Variants in TMOD2 observed in about 807,000 individuals in gnomAD.
The protein encoded by TMOD2 is tropomodulin 2.
A neutral mutation model predicts 39.9 loss-of-function variants in TMOD2; 22 were observed. The observed-to-expected ratio is 0.55, with a 90% confidence interval of 0.39 to 0.79. The LOEUF (loss-of-function observed/expected upper bound fraction) is 0.79. Ranked by LOEUF, TMOD2 falls within the 30% of genes least tolerant of loss-of-function variation. The probability of loss-of-function intolerance (pLI) is 0.00; values close to 1 mark genes in which losing one functional copy is unlikely to be tolerated. For missense variants in TMOD2, 386 were observed against 413.3 expected (o/e 0.93, Z 0.57); for synonymous variants, 123 against 146.1 (o/e 0.84, Z 1.14).
At chr15:51,770,538 C>T (rs1484528367) in intron 3 of TMOD2, among the ~76,000 whole-genome samples, 1 of 152,156 alleles carries the variant, frequency 6.6e-6, no homozygotes, top group Admixed American at 6.5e-5. Context: ...CATCCAGCTC[C>T]TAGTTGGCAT....
rs1367615201 is a variant in TMOD2 at position 51,813,247 on chromosome 15, G to GTCCC, written c.*4794_*4795insCCCT. 6.6e-6 allele frequency: 1 copy of GTCCC among 152,214 alleles called. No individual in the cohort carries two copies. The highest frequency in any genetic ancestry group is 3.2e-3 in the Middle Eastern group (1 of 316). The allele number at this position is 152,214 out of a possible 1,614,324, so 9.4% of individuals were successfully genotyped here. A position where few individuals can be genotyped will look rare whatever the true frequency, so the allele number is the denominator to read the frequency against. ...CAGCTTATCTCTTTCCCATCTGTCT[G>GTCCC]TAATAGCAATGACTGAATAATCAGT... On this transcript the variant is annotated 3_prime_UTR_variant, in exon 10 of 10. Transcript: ENST00000249700.
intron 1 of TMOD2, among the ~76,000 whole-genome samples, chr15:51,753,088 C>T (rs1025650515): frequency 6.6e-6 from 1 of 151,980 alleles, no homozygotes; most frequent in Non-Finnish European, 1.5e-5. Flanking sequence ...AATGTGTATA[C>T]ACAGAAAAGA....
chr15:51,773,672 C>CA (rs3830419), intron 3 of TMOD2, 40 bp from the exon 4 acceptor site: 17,844 of 1,571,342 alleles, frequency 0.011, 656 homozygotes, highest in Admixed American at 0.1. Context: ...ACCAATAAGG[C>CA]AGTAGTACTC....
intron 7 of TMOD2, chr15:51,784,025 C>T (rs7342575): frequency 0.034 from 5,124 of 152,286 alleles, 142 homozygotes; most frequent in Non-Finnish European, 0.051. Context: ...ATCCATTTGT[C>T]ACTGTAATAC....
At chr15:51,780,971 A>AT in intron 5 of TMOD2, 73 bp from the exon 6 acceptor site, 4 of 1,302,414 alleles carry the variant, frequency 3.1e-6, no homozygotes, top group Middle Eastern at 1.9e-4. Flanking sequence ...AAGAAATGTC[A>AT]TTTTTTGGGA....
intron 1 of TMOD2, chr15:51,752,913 T>C (rs553143408): frequency 1.3e-5 from 2 of 152,304 alleles, no homozygotes; most frequent in East Asian, 3.9e-4. Context: ...GTACTGTACA[T>C]TGGTGGGCAA....
chr15:51,782,704 T>C lies in TMOD2; in HGVS notation c.625-17T>C, dbSNP rs1048665778. On this transcript the variant is annotated splice_polypyrimidine_tract_variant and intron_variant, in intron 6 of 9. Coordinates refer to ENST00000249700, the MANE Select transcript of TMOD2 (RefSeq NM_014548.4). The stretch of plus-strand genomic sequence containing the variant: ...CATACAATGGTTCATCAACTAGCCA[T>C]GTCCTCTCTGTCTTAGAACATTCCA... 2.5e-6 allele frequency: 4 copies of C among 1,602,246 alleles called. No individual in the cohort carries two copies. The highest frequency in any genetic ancestry group is 2.2e-5 in the South Asian group (2 of 90,590).
rs539212798 is a variant in TMOD2 at position 51,770,487 on chromosome 15, T to C, written c.283+2069T>C. Among the ~76,000 whole-genome samples the C allele has an allele frequency of 3.3e-5, 5 of 152,298 alleles. No individual in the cohort carries two copies. The East Asian group carries it at 9.7e-4, about 29-fold the overall frequency. ...CTTGATAAACATGGGTTCCAGTGAATGGCATCTCAGAAATCTGTACTGCAG... is the reference window on the plus strand; with the variant it reads ...CTTGATAAACATGGGTTCCAGTGAACGGCATCTCAGAAATCTGTACTGCAG... On this transcript the variant is annotated intron_variant, in intron 3 of 9. Transcript: ENST00000249700.
rs140597344 is a variant in TMOD2 at position 51,790,233 on chromosome 15, C to T, written c.732+7405C>T. Among the ~76,000 whole-genome samples the T allele has an allele frequency of 9.4e-3, 1,424 of 152,254 alleles. 15 individuals carry two copies. Among genetic ancestry groups the T allele is most frequent in the African/African-American group, 0.019 (776 of 41,548 alleles). Reference sequence around the variant, plus strand: ...TCAGAGAATATTATAAACACCTCTACGCAAATTAACTAGAAAATCTAGACA... The same window carrying T: ...TCAGAGAATATTATAAACACCTCTATGCAAATTAACTAGAAAATCTAGACA... On this transcript the variant is annotated intron_variant, in intron 7 of 9. Transcript: ENST00000249700.
intron 1 of TMOD2, among the ~76,000 whole-genome samples, chr15:51,763,635 C>T (rs185665637): frequency 1.3e-5 from 2 of 152,212 alleles, no homozygotes; most frequent in Admixed American, 6.5e-5. Flanking sequence ...GCTAAACATA[C>T]CTGCATTGTC....
chr15:51,754,996 C>G (rs2055732439), intron 1 of TMOD2, among the ~76,000 whole-genome samples: 2 of 152,170 alleles, frequency 1.3e-5, no homozygotes, highest in Admixed American at 1.3e-4. Context: ...CTTCACATTA[C>G]TTACAGATTA....
chr15:51,765,929 A>G (rs1046543779), intron 1 of TMOD2, among the ~76,000 whole-genome samples: 2 of 152,238 alleles, frequency 1.3e-5, no homozygotes, highest in Non-Finnish European at 2.9e-5. Flanking sequence ...CTGAAAAGAC[A>G]CAAGTATGCT....
At chr15:51,764,086 A>T (rs748289292) in intron 1 of TMOD2, among the ~76,000 whole-genome samples, 101 of 36,114 alleles carry the variant, frequency 2.8e-3, no homozygotes, top group Non-Finnish European at 4.6e-3. Context: ...TTAAAGATTT[A>T]AAAAAAAAAA....
At chr15:51,799,368 A>G (rs573011819) in intron 8 of TMOD2, among the ~76,000 whole-genome samples, 27 of 152,296 alleles carry the variant, frequency 1.8e-4, no homozygotes, top group African/African-American at 6.3e-4. Context: ...ATAAAGCCGC[A>G]GAGTGCCATC....
At chr15:51,801,591 G>T (rs552048911) in intron 8 of TMOD2, among the ~76,000 whole-genome samples, 16 of 152,270 alleles carry the variant, frequency 1.1e-4, no homozygotes, top group African/African-American at 3.9e-4. Context: ...TCCACCACTG[G>T]GGGCAGGCTG....
In TMOD2 at chr15:51,808,425, A is replaced by G; in HGVS notation, c.1027A>G (p.Lys343Glu). The G allele has an allele frequency of 3.7e-6, 6 of 1,612,546 alleles. No homozygotes were observed. Among genetic ancestry groups the G allele is most frequent in the Non-Finnish European group, 5.1e-6 (6 of 1,179,210 alleles). The change falls in exon 10 of 10, where the codon AAG becomes GAG. Residue 343 changes from lysine (K) to glutamate (E), a missense_variant. Lys to Glu is a moderately conservative substitution (Grantham distance 56, BLOSUM62 1). Coordinates refer to ENST00000249700, the MANE Select transcript of TMOD2 (RefSeq NM_014548.4). Reference protein sequence around the residue: ...AITKNNDLVRKKRVEADRR With the variant: ...AITKNNDLVREKRVEADRR ...TTCCTTTCTTTCTTACCTAGTTCGT[A>G]AGAAGAGAGTTGAAGCAGACCGAAG...
intron 7 of TMOD2, among the ~76,000 whole-genome samples, chr15:51,796,719 C>G (rs547610777): frequency 1.3e-5 from 2 of 152,290 alleles, no homozygotes; most frequent in East Asian, 3.9e-4. Flanking sequence ...AATATGGTCT[C>G]TCTCAAATAT....
intron 5 of TMOD2, 37 bp from the exon 6 acceptor site, chr15:51,781,007 G>T: frequency 6.4e-7 from 1 of 1,557,048 alleles, no homozygotes; most frequent in Non-Finnish European, 8.7e-7. Context: ...TGATAGGAGA[G>T]ACTTTGCATT....
chr15:51,774,537 T>C lies in TMOD2; in HGVS notation c.406+703T>C, dbSNP rs186585493. 9.8e-5 allele frequency among the ~76,000 whole-genome samples: 15 copies of C among 152,320 alleles called. No individual in the cohort carries two copies. In the South Asian group the frequency reaches 1.0e-3, roughly 11 times the overall value. The stretch of plus-strand genomic sequence containing the variant: ...AGCTTTAGCAAGAATTTTTATTCCA[T>C]TGGAAGACATAGAATAATAACCTCT... On this transcript the variant is annotated intron_variant, in intron 4 of 9. Transcript: ENST00000249700.
Sources: gnomAD v4.1 joint callset for allele counts (sites outside exome capture counted in the v4.1 genomes callset) on GRCh38, gnomAD v4.1.1 for gene constraint, MANE v1.5 for transcripts, NCBI Gene and HGNC (gene_info 2026-07-23, HGNC 2026-07-21) for gene names.